TEX10: variants seen among roughly 807,000 people sequenced by gnomAD.
TEX10 encodes testis-expressed protein 10.
TEX10 carries 24 observed loss-of-function variants against 104.4 expected under a neutral mutation model. The observed-to-expected ratio is 0.23, with a 90% CI of 0.17 to 0.32. The LOEUF (loss-of-function observed/expected upper bound fraction) is 0.32, where lower values mean the gene tolerates loss of function less well. Among genes scored for constraint, TEX10 ranks in the 10% least tolerant of loss-of-function variants. TEX10 has a pLI of 1.00. For synonymous variants in TEX10, 396 were observed against 393.4 expected (o/e 1.01, Z -0.08); for missense variants, 921 against 1,083.9 (o/e 0.85, Z 2.11).
At chr9:100,329,861 C>G in intron 6 of TEX10, 70 bp downstream of exon 6, 5 of 1,313,114 alleles carry the variant, frequency 3.8e-6, no homozygotes, top group Non-Finnish European at 5.3e-6. Context: ...GCCATCATTT[C>G]AAAGCTAGAC....
chr9:100,340,234 A>G, intron 5 of TEX10, 23 bp downstream of exon 5: 1 of 1,435,536 alleles, frequency 7.0e-7, no homozygotes, highest in Non-Finnish European at 9.4e-7. Flanking sequence ...TCAAGGTTAT[A>G]CAGTGAAAAA....
intron 7 of TEX10, 122 bp from the exon 8 acceptor site, chr9:100,328,084 TACC>T (rs1276346913): frequency 4.4e-6 from 3 of 681,168 alleles, no homozygotes; most frequent in Non-Finnish European, 6.5e-6. Context: ...GTATCAATAA[TACC>T]ACATTTATTC....
intron 1 of TEX10, among the ~76,000 whole-genome samples, chr9:100,350,033 A>G (rs995986105): frequency 1.3e-5 from 2 of 152,198 alleles, no homozygotes; most frequent in Non-Finnish European, 2.9e-5. Context: ...CCCAAAAAGG[A>G]TAAAAAGCAG....
Position 100,329,807 on chromosome 9 carries a change from T to C in TEX10, c.1489+124A>G, listed in dbSNP as rs933982494. On this transcript the variant is annotated intron_variant, in intron 6 of 14. Transcript: ENST00000374902. ...GTTCAAGTAGACAGTAGCTACCTTT[T>C]ATGGCTTGAATACAATTAGCCTGAC... 3.5e-6 allele frequency: 3 copies of C among 850,580 alleles called. No homozygotes were observed. The African/African-American group carries it at 5.1e-5, about 14-fold the overall frequency. The allele number at this position is 850,580 out of a possible 1,614,324, so 52.7% of individuals were successfully genotyped here. A position where few individuals can be genotyped will look rare whatever the true frequency, so the allele number is the denominator to read the frequency against.
rs1835379406 is a variant in TEX10 at position 100,349,244 on chromosome 9, C to A, written c.120G>T (p.Leu40=). The change falls in exon 2 of 15, where the codon CTG becomes CTT. Residue 40 remains leucine, a synonymous_variant. Transcript: ENST00000374902. ...TTCCATCCTCTTTGAGTTGCTCAGGCAGATGTATAGTCTTTGTTTTAAAGT... is the reference window on the plus strand; with the variant it reads ...TTCCATCCTCTTTGAGTTGCTCAGGAAGATGTATAGTCTTTGTTTTAAAGT... The part of the protein sequence containing the change: ...PTNFKTKTIH[L]PEQLKEDGTL... 2 of 1,596,582 alleles carry A rather than the reference C, an allele frequency of 1.3e-6. No homozygotes were observed. Among genetic ancestry groups the A allele is most frequent in the Admixed American group, 1.8e-5 (1 of 56,750 alleles).
At chr9:100,329,094 A>C (rs1313610773) in intron 7 of TEX10, 46 bp downstream of exon 7, 1 of 1,540,102 alleles carries the variant, frequency 6.5e-7, no homozygotes, top group East Asian at 2.3e-5. Flanking sequence ...AGACTACAGA[A>C]AAACTCAGCA....
chr9:100,337,781 CA>C (rs1835048770), intron 5 of TEX10, among the ~76,000 whole-genome samples: 1 of 152,194 alleles, frequency 6.6e-6, no homozygotes, highest in South Asian at 2.1e-4. Context: ...CCTCTAGTTA[CA>C]AAAGTCTCAT....
rs367688251 is a variant in TEX10, at chr9:100,346,947, G to T, written c.640C>A (p.Pro214Thr). Residue 214 changes from proline to threonine, a missense_variant, in exon 3 of 15, where the codon CCT (proline) becomes ACT (threonine). Coordinates refer to ENST00000374902, the MANE Select transcript of TEX10 (RefSeq NM_017746.4). The stretch of plus-strand genomic sequence containing the variant: ...TGCTGAGAAGTGAGTCTCCGATTAG[G>T]ATTTACAGAAAGTATCCAGGACTGG... ...RSQSWILSVN[P>T]NRRLTSQQWR... 1 of 1,614,056 alleles carries T rather than the reference G, an allele frequency of 6.2e-7. No individual in the cohort carries two copies. Among genetic ancestry groups the T allele is most frequent in the Non-Finnish European group, 8.5e-7 (1 of 1,180,036 alleles).
intron 1 of TEX10, among the ~76,000 whole-genome samples, chr9:100,349,913 C>A (rs1254758379): frequency 6.6e-6 from 1 of 152,054 alleles, no homozygotes; most frequent in Middle Eastern, 3.2e-3. Flanking sequence ...GAATAATAGG[C>A]CTTTCAAGAG....
Position 100,310,290 on chromosome 9 carries a change from G to A in TEX10, c.2283+9C>T, listed in dbSNP as rs1403989326. 1 of 1,612,630 alleles carries A rather than the reference G, an allele frequency of 6.2e-7. No homozygotes were observed. The highest frequency in any genetic ancestry group is 2.2e-5 in the East Asian group (1 of 44,868). On this transcript the variant is annotated intron_variant, in intron 12 of 14. Coordinates refer to ENST00000374902, the MANE Select transcript of TEX10 (RefSeq NM_017746.4). ...TCATTCTTAAGAGAAAAAGTTTAAGGATACTTACCAAATGCTTACTGATGG... is the reference window on the plus strand; with the variant it reads ...TCATTCTTAAGAGAAAAAGTTTAAGAATACTTACCAAATGCTTACTGATGG...
chr9:100,348,935 A>C (rs1214217595), intron 2 of TEX10, among the ~76,000 whole-genome samples: 11 of 152,132 alleles, frequency 7.2e-5, no homozygotes, highest in Non-Finnish European at 1.6e-4. Context: ...ATAAATAAAT[A>C]AATCATCAAA....
intron 1 of TEX10, chr9:100,352,369 T>C (rs1164049236): frequency 6.4e-7 from 1 of 1,551,014 alleles, no homozygotes; most frequent in Admixed American, 2.0e-5. Flanking sequence ...GGACGCCAGC[T>C]CATCCCCACT....
At chr9:100,345,753 A>G (rs948341993) in intron 4 of TEX10, among the ~76,000 whole-genome samples, 53 of 152,212 alleles carry the variant, frequency 3.5e-4, no homozygotes, top group Non-Finnish European at 3.7e-4. Context: ...GACCTTTCAG[A>G]AACTAGAATG....
Position 100,326,368 on chromosome 9 carries a change from C to A in TEX10, c.1913G>T (p.Arg638Leu). Reference sequence around the variant, plus strand: ...ACTGAGTCTTCCCATAATACAGCAACGACTTAACCGAGAAAGCAAATCAGC... The same window carrying A: ...ACTGAGTCTTCCCATAATACAGCAAAGACTTAACCGAGAAAGCAAATCAGC... ...LPADLLSRLS[R>L]CCIMGRLSSS... The change falls in exon 9 of 15, where the codon CGT becomes CTT. Residue 638 changes from arginine to leucine, a missense_variant. Around this residue, in one of 3 missense-constraint regions of TEX10, gnomAD observed 753 missense variants for 868.4 expected, o/e 0.87. Coordinates refer to ENST00000374902, the MANE Select transcript of TEX10 (RefSeq NM_017746.4). 1 of 1,614,000 alleles carries A rather than the reference C, an allele frequency of 6.2e-7. No individual in the cohort carries two copies. The highest frequency in any genetic ancestry group is 8.5e-7 in the Non-Finnish European group (1 of 1,179,986).
intron 13 of TEX10, chr9:100,307,229 G>T (rs1486174193): frequency 6.6e-6 from 1 of 152,206 alleles, no homozygotes; most frequent in Non-Finnish European, 1.5e-5. Context: ...AGAGCAGACT[G>T]AGCAAACTAT....
At chr9:100,337,679 CA>C (rs1835046080) in intron 5 of TEX10, among the ~76,000 whole-genome samples, 1 of 152,224 alleles carries the variant, frequency 6.6e-6, no homozygotes, top group Non-Finnish European at 1.5e-5. Flanking sequence ...ACGGCTTCCA[CA>C]TCAAGGCCAG....
chr9:100,315,354 A>C (rs1400618167), intron 11 of TEX10, among the ~76,000 whole-genome samples: 1 of 152,156 alleles, frequency 6.6e-6, no homozygotes, highest in African/African-American at 2.4e-5. Context: ...CTGGGGTGTT[A>C]AAGCACCCCA....
At chr9:100,319,498 A>T (rs1834509759) in intron 11 of TEX10, among the ~76,000 whole-genome samples, 1 of 152,176 alleles carries the variant, frequency 6.6e-6, no homozygotes, top group Admixed American at 6.6e-5. Context: ...AAATGTTTAC[A>T]TTTACTGAAA....
At chr9:100,308,374 C>T in intron 13 of TEX10, 126 bp downstream of exon 13, 1 of 751,976 alleles carries the variant, frequency 1.3e-6, no homozygotes, top group Non-Finnish European at 1.9e-6. Context: ...TAGGCTGACA[C>T]AAACTCTCTG....
Sources: allele counts gnomAD v4.1 joint callset (sites outside exome capture counted in the v4.1 genomes callset), GRCh38; gene constraint gnomAD v4.1.1; regional missense constraint gnomAD v4.1.1; transcripts MANE v1.5; gene names NCBI Gene and HGNC (gene_info 2026-07-23, HGNC 2026-07-21).